Variants in AKAP13 observed in about 807,000 individuals in gnomAD.
AKAP13 encodes the protein A-kinase anchor protein 13.
Under a neutral mutation model 264.5 loss-of-function variants are expected in AKAP13, and 80 were observed. The ratio of observed to expected loss-of-function variants is 0.30; its 90% confidence interval spans 0.25 to 0.36. AKAP13 has a LOEUF of 0.36. Among genes scored for constraint, AKAP13 ranks in the 10% least tolerant of loss-of-function variants. The probability of loss-of-function intolerance (pLI) is 1.00; values close to 1 mark genes in which losing one functional copy is unlikely to be tolerated. For synonymous variants in AKAP13, 1,380 were observed against 1,250.2 expected, an observed-to-expected ratio of 1.10 and a Z score of -2.19; for missense variants, 3,712 against 3,435.2, an observed-to-expected ratio of 1.08 and a Z score of -2.01.
rs541412937 is a variant in AKAP13, at chr15:85,693,547, A to G, written c.5464+96A>G. ...TGTCCCCACTCATTATCTGTTCCTC[A>G]TTTATGTGGAGAAGTAACCCTTTTT... On this transcript the variant is annotated intron_variant, in intron 17 of 36. Transcript: ENST00000394518. The G allele has an allele frequency of 2.9e-5, 45 of 1,544,900 alleles. 2 individuals carry two copies. In the South Asian group the frequency reaches 5.2e-4, roughly 18 times the overall value.
At chr15:85,446,396 A>T (rs1394727581) in intron 1 of AKAP13, among the ~76,000 whole-genome samples, 1 of 152,160 alleles carries the variant, frequency 6.6e-6, no homozygotes, top group Non-Finnish European at 1.5e-5. Flanking sequence ...TGGTTTTATG[A>T]GAGCTTGAGG....
At chr15:85,440,683 A>C (rs1274576957) in intron 1 of AKAP13, among the ~76,000 whole-genome samples, 1 of 152,200 alleles carries the variant, frequency 6.6e-6, no homozygotes, top group Non-Finnish European at 1.5e-5. Flanking sequence ...AGGGCGTTGC[A>C]TCAAGTTCTC....
In AKAP13 at chr15:85,545,943, A is replaced by G. The variant is rs114563512; in HGVS notation, c.662+1988A>G. 9.0e-3 allele frequency among the ~76,000 whole-genome samples: 1,363 copies of G among 152,230 alleles called. 18 individuals are homozygous for G. The highest frequency in any genetic ancestry group is 0.031 in the African/African-American group (1,308 of 41,532). On this transcript the variant is annotated intron_variant, in intron 5 of 36. Transcript: ENST00000394518. ...CTCACAGAGTTACGTAACCATCACC[A>G]CTATTATTTCCAGAACTTTGTCATC...
chr15:85,560,512 G>A (rs970733436), intron 5 of AKAP13, among the ~76,000 whole-genome samples: 1 of 151,914 alleles, frequency 6.6e-6, no homozygotes, highest in African/African-American at 2.4e-5. Flanking sequence ...CATAAGACAG[G>A]TTTATTTTAT....
intron 14 of AKAP13, among the ~76,000 whole-genome samples, chr15:85,681,704 A>T (rs1451777764): frequency 2.6e-5 from 3 of 116,156 alleles, no homozygotes; most frequent in Non-Finnish European, 4.2e-5. Context: ...AGCAATTCTC[A>T]TGAAAATATT....
rs1330622546 is a variant in AKAP13, at chr15:85,598,275, A to C, written c.4161+12452A>C. ...TTGCAATTGGGCCTAGGCCTGGTCC[A>C]TTCTGGAGAGGATGCATGATGAGAA... On this transcript the variant is annotated intron_variant, in intron 8 of 36. Transcript: ENST00000394518. Among the ~76,000 whole-genome samples the C allele has an allele frequency of 2.6e-5, 4 of 152,150 alleles. No individual in the cohort carries two copies. The East Asian group carries it at 5.8e-4, about 22-fold the overall frequency.
chr15:85,693,677 G>A (rs1053390186), intron 17 of AKAP13, among the ~76,000 whole-genome samples: 7 of 152,076 alleles, frequency 4.6e-5, no homozygotes, highest in South Asian at 4.1e-4. Flanking sequence ...AAGTTAAGAT[G>A]GTTCAGCCTA....
At chr15:85,658,015 C>T (rs546627622) in intron 11 of AKAP13, among the ~76,000 whole-genome samples, 217 of 152,232 alleles carry the variant, frequency 1.4e-3, no homozygotes, top group African/African-American at 4.6e-3. Context: ...ATGGTGATCT[C>T]AGTTCAGTTC....
chr15:85,464,818 C>T (rs2074661637), intron 1 of AKAP13, among the ~76,000 whole-genome samples: 2 of 152,170 alleles, frequency 1.3e-5, no homozygotes, highest in African/African-American at 4.8e-5. Context: ...TTACCCCGTC[C>T]CTTTTTCTTC....
At chr15:85,507,041 G>A (rs964708557) in intron 2 of AKAP13, among the ~76,000 whole-genome samples, 2 of 152,068 alleles carry the variant, frequency 1.3e-5, no homozygotes, top group African/African-American at 4.8e-5. Context: ...AGCCTTTGTA[G>A]TCTCCTCTGG....
chr15:85,393,903 C>T (rs2070987289), intron 1 of AKAP13, among the ~76,000 whole-genome samples: 1 of 152,124 alleles, frequency 6.6e-6, no homozygotes, highest in Non-Finnish European at 1.5e-5. Flanking sequence ...TGATTGTGGT[C>T]TGCTCTTAAA....
chr15:85,427,488 CCT>C (rs1466317243), intron 1 of AKAP13, among the ~76,000 whole-genome samples: 2 of 152,072 alleles, frequency 1.3e-5, no homozygotes, highest in Non-Finnish European at 2.9e-5. Flanking sequence ...TCTATCGACT[CCT>C]CTAGGCAAGT....
At chr15:85,673,666 C>CTTTTTTTTTTTTTTTTTTTTT (rs386383664) in intron 14 of AKAP13, among the ~76,000 whole-genome samples, 1 of 77,540 alleles carries the variant, frequency 1.3e-5, no homozygotes, top group African/African-American at 5.6e-5. Context: ...TTCTTTCTTT[C>CTTTTTTTTTTTTTTTTTTTTT]TTTTTTTTTT....
At chr15:85,424,100 A>G (rs745482602) in intron 1 of AKAP13, among the ~76,000 whole-genome samples, 1 of 152,194 alleles carries the variant, frequency 6.6e-6, no homozygotes, top group Non-Finnish European at 1.5e-5. Flanking sequence ...TTAGAATGGT[A>G]AGTGAGCATT....
chr15:85,647,130 G>A (rs1186411844), intron 10 of AKAP13, among the ~76,000 whole-genome samples: 1 of 152,202 alleles, frequency 6.6e-6, no homozygotes, highest in Non-Finnish European at 1.5e-5. Context: ...CGGGTGTGGT[G>A]GCTCATGCAT....
chr15:85,476,905 G>C (rs2075181619), intron 1 of AKAP13, among the ~76,000 whole-genome samples: 2 of 152,212 alleles, frequency 1.3e-5, no homozygotes, highest in South Asian at 4.2e-4. Context: ...ATCATGTGCT[G>C]GCCATGTGTG....
intron 30 of AKAP13, among the ~76,000 whole-genome samples, chr15:85,732,714 C>T (rs2088142312): frequency 6.7e-6 from 1 of 149,762 alleles, no homozygotes; most frequent in Non-Finnish European, 1.5e-5. Flanking sequence ...CTTTATCCAA[C>T]CTATTACTCA....
intron 4 of AKAP13, chr15:85,536,660 T>A (rs983263290): frequency 7.2e-5 from 11 of 152,216 alleles, no homozygotes; most frequent in Admixed American, 5.2e-4. Flanking sequence ...AGCAAACTGT[T>A]GACATGTGCA....
intron 3 of AKAP13, among the ~76,000 whole-genome samples, chr15:85,530,171 C>T (rs979533642): frequency 6.6e-6 from 1 of 152,160 alleles, no homozygotes; most frequent in Non-Finnish European, 1.5e-5. Context: ...AACCCCCGCG[C>T]CCCAACACAC....
Sources: allele counts gnomAD v4.1 joint callset (sites outside exome capture counted in the v4.1 genomes callset), GRCh38; gene constraint gnomAD v4.1.1; transcripts MANE v1.5; gene names NCBI Gene and HGNC (gene_info 2026-07-23, HGNC 2026-07-21).